TF: variants seen among roughly 807,000 people sequenced by gnomAD.
TF encodes the protein serotransferrin.
TF carries 55 observed loss-of-function variants against 82.4 expected under a neutral mutation model. The ratio of observed to expected loss-of-function variants is 0.67; its 90% CI spans 0.54 to 0.84. The LOEUF is 0.84. Among genes scored for constraint, TF ranks in the 40% least tolerant of loss-of-function variants. The pLI is 0.00. For synonymous variants in TF, 332 were observed against 332.6 expected, an observed-to-expected ratio of 1.00 and a Z score of 0.02; for missense variants, 737 against 868.4, an observed-to-expected ratio of 0.85 and a Z score of 1.90.
At chr3:133,699,672 A>T in the TF span, 4 of 470,640 alleles carry the variant, frequency 8.5e-6, no homozygotes, top group African/African-American at 7.9e-5. Context: ...CCCTGCTTGG[A>T]TTTGGAGGGA....
chr3:133,699,669 T>C, the TF span: 1 of 479,032 alleles, frequency 2.1e-6, no homozygotes, highest in African/African-American at 2.0e-5. Flanking sequence ...GCTCCCTGCT[T>C]GGATTTGGAG....
chr3:133,755,625 T>G, intron 5 of TF, 130 bp downstream of exon 5: 1 of 1,320,820 alleles, frequency 7.6e-7, no homozygotes, highest in Non-Finnish European at 1.1e-6. Context: ...CCCCTCCCAG[T>G]GAGTCAGAAG....
the TF span, among the ~76,000 whole-genome samples, chr3:133,731,755 A>G: frequency 1.3e-5 from 2 of 152,256 alleles, no homozygotes; most frequent in East Asian, 3.8e-4. Context: ...CCTATTACTA[A>G]TGAGAAAACA....
At chr3:133,776,950 T>C in intron 15 of TF, 99 bp from the exon 16 acceptor site, 1 of 1,117,178 alleles carries the variant, frequency 9.0e-7, no homozygotes, top group South Asian at 1.3e-5. Context: ...CTTCCCTTTT[T>C]CCCCAGGGCT....
the TF span, among the ~76,000 whole-genome samples, chr3:133,726,474 G>C: frequency 1.1e-4 from 17 of 152,144 alleles, no homozygotes; most frequent in Non-Finnish European, 1.9e-4. Flanking sequence ...TCTGATGGTA[G>C]TTTGTATTTC....
chr3:133,704,248 T>C, the TF span: 2 of 227,484 alleles, frequency 8.8e-6, no homozygotes, highest in South Asian at 1.6e-4. Flanking sequence ...TGCCATGAGC[T>C]TGGATGCAGG....
intron 11 of TF, among the ~76,000 whole-genome samples, chr3:133,765,703 T>A (rs1934110729): frequency 6.6e-6 from 1 of 152,224 alleles, no homozygotes; most frequent in African/African-American, 2.4e-5. Context: ...TAATCTGAAT[T>A]AAACTGGCAA....
At chr3:133,704,448 A>G in the TF span, 3 of 154,398 alleles carry the variant, frequency 1.9e-5, no homozygotes, top group South Asian at 5.8e-4. Flanking sequence ...GAGCTAGTAG[A>G]AAAAAAAAGT....
At chr3:133,725,794 T>C in the TF span, among the ~76,000 whole-genome samples, 4 of 152,254 alleles carry the variant, frequency 2.6e-5, no homozygotes, top group Non-Finnish European at 5.9e-5. Flanking sequence ...GCTGTGGGTT[T>C]GTCATAGATA....
chr3:133,755,649 T>A, intron 5 of TF, 154 bp downstream of exon 5: 1 of 1,014,758 alleles, frequency 9.9e-7, no homozygotes, highest in East Asian at 2.6e-5. Context: ...AACCTGGGAC[T>A]CCTAGGCCAA....
chr3:133,702,375 G>T, the TF span, among the ~76,000 whole-genome samples: 401 of 152,150 alleles, frequency 2.6e-3, 2 homozygotes, highest in African/African-American at 9.2e-3. Context: ...CCGGGCTATG[G>T]TCAGGGCTAC....
intron 16 of TF, chr3:133,777,505 T>C (rs1934426014): frequency 4.2e-6 from 2 of 474,150 alleles, no homozygotes; most frequent in South Asian, 2.3e-5. Flanking sequence ...AAGGACTGGG[T>C]TTATGTGTAC....
rs1043820590 is a variant in TF, at chr3:133,791,801, A to T, written c.*13181A>T. ...TTAGGGTTCAATTCCTGGCTTAGGG[A>T]ATGAGTCCTTTATCTTCTGTCTGTG... On this transcript the variant is annotated 3_prime_UTR_variant, in exon 17 of 17. Coordinates refer to ENST00000402696, the MANE Select transcript of TF (RefSeq NM_001063.4). 1 of 152,160 alleles carries T rather than the reference A, an allele frequency of 6.6e-6. No individual in the cohort carries two copies. Among genetic ancestry groups the T allele is most frequent in the Non-Finnish European group, 1.5e-5 (1 of 68,026 alleles). 9.4% of individuals were successfully genotyped at this position (152,160 alleles called of 1,614,324 possible). A position where few individuals can be genotyped will look rare whatever the true frequency, so the allele number is the denominator to read the frequency against.
intron 2 of TF, among the ~76,000 whole-genome samples, chr3:133,752,877 A>G (rs1163117713): frequency 6.6e-6 from 1 of 152,186 alleles, no homozygotes. Context: ...GCAAAAATGG[A>G]AATAATAATC....
chr3:133,765,235 C>A (rs1290270337), intron 11 of TF, among the ~76,000 whole-genome samples: 2 of 152,176 alleles, frequency 1.3e-5, no homozygotes, highest in Non-Finnish European at 2.9e-5. Flanking sequence ...CCCACTGATC[C>A]TCACCTGACA....
chr3:133,758,087 G>A (rs1365789664), intron 8 of TF, 141 bp downstream of exon 8: 3 of 739,454 alleles, frequency 4.1e-6, no homozygotes, highest in Non-Finnish European at 6.6e-6. Flanking sequence ...CCCAGTGTTA[G>A]ACTGATGCTG....
At chr3:133,693,024 G>A in the TF span, 1 of 152,436 alleles carries the variant, frequency 6.6e-6, no homozygotes, top group African/African-American at 2.4e-5. Context: ...TCATTGTGAA[G>A]TGTATGTGTC....
At chr3:133,711,674 TC>T in the TF span, among the ~76,000 whole-genome samples, 1 of 152,154 alleles carries the variant, frequency 6.6e-6, no homozygotes, top group African/African-American at 2.4e-5. Context: ...GAACTCCACA[TC>T]CGCTCTGGTT....
chr3:133,723,206 T>A, the TF span, among the ~76,000 whole-genome samples: 1 of 152,208 alleles, frequency 6.6e-6, no homozygotes, highest in South Asian at 2.1e-4. Flanking sequence ...CTTTTAGAAT[T>A]TTCACTATCT....
Sources: allele counts gnomAD v4.1 joint callset (sites outside exome capture counted in the v4.1 genomes callset), GRCh38; gene constraint gnomAD v4.1.1; transcripts MANE v1.5; gene names NCBI Gene and HGNC (gene_info 2026-07-23, HGNC 2026-07-21).